The following TWSG1 variants were observed in gnomAD, a reference collection of about 807,000 sequenced individuals.
The protein encoded by TWSG1 is twisted gastrulation protein homolog 1.
TWSG1 carries 15 observed loss-of-function variants against 23.0 expected under a neutral mutation model. The ratio of observed to expected loss-of-function variants is 0.65; its 90% CI spans 0.44 to 1.00. The LOEUF (loss-of-function observed/expected upper bound fraction) is 1.00, where lower values mean the gene tolerates loss of function less well. TWSG1 is among the 50% of genes least tolerant of loss of function. The pLI is 0.00. For synonymous variants in TWSG1, 86 were observed against 92.8 expected (o/e 0.93, Z 0.42); for missense variants, 242 against 278.7 (o/e 0.87, Z 0.94).
intron 3 of TWSG1, among the ~76,000 whole-genome samples, chr18:9,391,521 T>C (rs1400886171): frequency 6.6e-6 from 1 of 152,224 alleles, no homozygotes; most frequent in Non-Finnish European, 1.5e-5. Flanking sequence ...AAGATATATT[T>C]CTTGTCAGAA....
intron 3 of TWSG1, among the ~76,000 whole-genome samples, chr18:9,381,297 A>AT (rs1486527726): frequency 2.0e-5 from 3 of 152,108 alleles, no homozygotes; most frequent in East Asian, 3.9e-4. Flanking sequence ...GTTCTCAAAC[A>AT]TTTTTTTTGA....
chr18:9,385,274 T>C (rs568426686), intron 3 of TWSG1, among the ~76,000 whole-genome samples: 2 of 152,142 alleles, frequency 1.3e-5, no homozygotes, highest in South Asian at 2.1e-4. Context: ...TGAAAAGAAG[T>C]AGGGCCACTG....
intron 3 of TWSG1, among the ~76,000 whole-genome samples, chr18:9,366,185 A>G (rs1457997279): frequency 6.6e-6 from 1 of 152,188 alleles, no homozygotes; most frequent in Non-Finnish European, 1.5e-5. Flanking sequence ...ATCATTTGCT[A>G]TACTTAATAA....
intron 2 of TWSG1, 83 bp downstream of exon 2, chr18:9,337,435 A>G: frequency 6.8e-7 from 1 of 1,466,480 alleles, no homozygotes; most frequent in South Asian, 1.2e-5. Context: ...TAGAGTGCAT[A>G]TATCATATAG....
chr18:9,353,425 G>C (rs935218158), intron 2 of TWSG1, among the ~76,000 whole-genome samples: 2 of 152,150 alleles, frequency 1.3e-5, no homozygotes, highest in Admixed American at 6.6e-5. Flanking sequence ...CATCCTGCCA[G>C]ACTTTCATTT....
At chr18:9,352,952 T>C (rs2040508720) in intron 2 of TWSG1, among the ~76,000 whole-genome samples, 1 of 152,252 alleles carries the variant, frequency 6.6e-6, no homozygotes, top group Non-Finnish European at 1.5e-5. Flanking sequence ...TTTTGGTCAA[T>C]GGCAGACAAC....
chr18:9,372,993 G>A (rs1221080098), intron 3 of TWSG1, among the ~76,000 whole-genome samples: 3 of 151,488 alleles, frequency 2.0e-5, no homozygotes, highest in Admixed American at 6.6e-5. Context: ...AGACCCTACT[G>A]TATGTTACCT....
chr18:9,370,475 C>T (rs2040600049), intron 3 of TWSG1, among the ~76,000 whole-genome samples: 1 of 152,112 alleles, frequency 6.6e-6, no homozygotes, highest in Non-Finnish European at 1.5e-5. Context: ...AATTGGTATG[C>T]CAAAGGATAA....
In TWSG1 at chr18:9,388,688, A is replaced by G. The variant is rs148469520; in HGVS notation, c.224-7592A>G. Among the ~76,000 whole-genome samples the G allele has an allele frequency of 1.1e-4, 16 of 152,370 alleles. No individual in the cohort carries two copies. The East Asian group carries it at 2.7e-3, about 26-fold the overall frequency. ...AAAACTGCCCCCAAATTGTTTTGATATAATGAAATATCTGATAATGAGCTT... is the reference window on the plus strand; with the variant it reads ...AAAACTGCCCCCAAATTGTTTTGATGTAATGAAATATCTGATAATGAGCTT... On this transcript the variant is annotated intron_variant, in intron 3 of 4. Transcript: ENST00000262120.
chr18:9,378,506 T>A (rs2040641418), intron 3 of TWSG1, among the ~76,000 whole-genome samples: 1 of 152,140 alleles, frequency 6.6e-6, no homozygotes, highest in Non-Finnish European at 1.5e-5. Context: ...AGGAACTCAA[T>A]CCCATTCACA....
intron 3 of TWSG1, among the ~76,000 whole-genome samples, chr18:9,385,868 A>G (rs1180114204): frequency 6.6e-6 from 1 of 151,930 alleles, no homozygotes; most frequent in African/African-American, 2.4e-5. Flanking sequence ...AAGCTTTTGC[A>G]AATTTAAAAT....
At chr18:9,342,341 G>A (rs1008067112) in intron 2 of TWSG1, among the ~76,000 whole-genome samples, 2 of 152,186 alleles carry the variant, frequency 1.3e-5, no homozygotes, top group Admixed American at 6.5e-5. Flanking sequence ...TGCCTGGCAC[G>A]TGAGTGCACT....
intron 2 of TWSG1, among the ~76,000 whole-genome samples, chr18:9,344,615 A>G (rs1373851681): frequency 6.8e-6 from 1 of 147,282 alleles, no homozygotes; most frequent in Non-Finnish European, 1.5e-5. Flanking sequence ...AGCAACCTCA[A>G]CCTCCTGGAC....
At chr18:9,363,858 C>T (rs1408816144) in intron 3 of TWSG1, among the ~76,000 whole-genome samples, 1 of 152,094 alleles carries the variant, frequency 6.6e-6, no homozygotes, top group African/African-American at 2.4e-5. Flanking sequence ...GAACTCCTGT[C>T]CTCAAGTGAT....
rs1421727296 is a variant in TWSG1 at position 9,402,213 on chromosome 18, G to A, written c.*2686G>A. 1.3e-5 allele frequency: 2 copies of A among 152,116 alleles called. No homozygotes were observed. Among genetic ancestry groups the A allele is most frequent in the Non-Finnish European group, 2.9e-5 (2 of 68,004 alleles). The allele number at this position is 152,116 out of a possible 1,614,324, so 9.4% of individuals were successfully genotyped here. A position where few individuals can be genotyped will look rare whatever the true frequency, so the allele number is the denominator to read the frequency against. On this transcript the variant is annotated 3_prime_UTR_variant, in exon 5 of 5. Transcript: ENST00000262120. ...CAGGGTAGCATTAAAATGGAGAAAA[G>A]AAAGTTTTCTGAAAAAATGCAGTAA...
At chr18:9,355,825 G>A (rs2040524480) in intron 2 of TWSG1, among the ~76,000 whole-genome samples, 2 of 152,146 alleles carry the variant, frequency 1.3e-5, no homozygotes, top group Admixed American at 1.3e-4. Context: ...TGAAGAGCTT[G>A]TTTTTCTTAT....
At chr18:9,383,434 C>T (rs575384372) in intron 3 of TWSG1, among the ~76,000 whole-genome samples, 42 of 152,144 alleles carry the variant, frequency 2.8e-4, no homozygotes, top group Admixed American at 1.1e-3. Flanking sequence ...CCTTGTGATC[C>T]ACCCACCTCG....
Position 9,396,490 on chromosome 18 carries a change from ACCAGAATGTGTCTGT to A in TWSG1, c.437_451del (p.Gln146_Val150del). The A allele has an allele frequency of 6.2e-7, 1 of 1,614,050 alleles. No homozygotes were observed. The highest frequency in any genetic ancestry group is 8.5e-7 in the Non-Finnish European group (1 of 1,180,036). ...TTAGAAACTGTGAACCAGCCACACC[ACCAGAATGTGTCTGT>A]CCCCAGCAATAATGTTCACGCGCCT... is the stretch of plus-strand genomic sequence containing the variant. On this transcript the variant is annotated inframe_deletion, in exon 4 of 5. Coordinates refer to ENST00000262120, the MANE Select transcript of TWSG1 (RefSeq NM_020648.6).
intron 3 of TWSG1, among the ~76,000 whole-genome samples, chr18:9,364,064 G>A (rs1458380016): frequency 2.0e-5 from 3 of 152,164 alleles, no homozygotes; most frequent in Non-Finnish European, 4.4e-5. Flanking sequence ...TTGGTTGTTA[G>A]ATTTCTTAAG....
Sources: gnomAD v4.1 joint callset for allele counts (sites outside exome capture counted in the v4.1 genomes callset) on GRCh38, gnomAD v4.1.1 for gene constraint, MANE v1.5 for transcripts, NCBI Gene and HGNC (gene_info 2026-07-23, HGNC 2026-07-21) for gene names.